Variants in SLMAP observed in about 807,000 individuals in gnomAD.
The protein encoded by SLMAP is sarcolemma associated protein.
SLMAP carries 44 observed loss-of-function variants against 128.8 expected under a neutral mutation model. The ratio of observed to expected loss-of-function variants is 0.34; its 90% CI spans 0.27 to 0.44. SLMAP has a LOEUF of 0.44. SLMAP is among the 20% of genes least tolerant of loss of function. The pLI, the probability that SLMAP is intolerant of heterozygous loss-of-function variation, is 1.00. For missense variants in SLMAP, 787 were observed against 985.3 expected, an observed-to-expected ratio of 0.80 and a Z score of 2.69; for synonymous variants, 327 against 348.8, an observed-to-expected ratio of 0.94 and a Z score of 0.70.
chr3:57,925,194 A>G (rs182014568), intron 23 of SLMAP, among the ~76,000 whole-genome samples: 3 of 151,926 alleles, frequency 2.0e-5, no homozygotes, highest in East Asian at 1.9e-4. Context: ...GCCTTAAGCA[A>G]TCTGCCCACC....
At chr3:57,833,790 T>TA (rs532172231) in intron 3 of SLMAP, among the ~76,000 whole-genome samples, 6,905 of 145,452 alleles carry the variant, frequency 0.047, 251 homozygotes, top group African/African-American at 0.092. Context: ...AGATTAGATT[T>TA]AAAAAAAAAA....
chr3:57,831,370 T>C lies in SLMAP; in HGVS notation c.199-13T>C. The C allele has an allele frequency of 7.0e-6, 10 of 1,430,084 alleles. No homozygotes were observed. Among genetic ancestry groups the C allele is most frequent in the Non-Finnish European group, 9.3e-6 (10 of 1,072,656 alleles). The allele number at this position is 1,430,084 out of a possible 1,614,324, so 88.6% of individuals were successfully genotyped here. On this transcript the variant is annotated splice_polypyrimidine_tract_variant and intron_variant, in intron 2 of 24. Transcript: ENST00000671191. The stretch of plus-strand genomic sequence containing the variant: ...AATATTTGGCCCTTTTTTGTTTTTG[T>C]TTTTTTTTGCAGTTTTATCTTCAAG...
chr3:57,780,552 TG>T (rs748949337), intron 2 of SLMAP, among the ~76,000 whole-genome samples: 30 of 152,212 alleles, frequency 2.0e-4, no homozygotes, highest in Non-Finnish European at 3.4e-4. Context: ...TATCTTGATC[TG>T]GGTGGTAGTT....
At chr3:57,776,460 C>G (rs1320899285) in intron 2 of SLMAP, among the ~76,000 whole-genome samples, 1 of 146,694 alleles carries the variant, frequency 6.8e-6, no homozygotes, top group Non-Finnish European at 1.5e-5. Context: ...TTAATGCTTT[C>G]TTTGTGAAAT....
At chr3:57,806,694 C>T (rs1273298455) in intron 2 of SLMAP, among the ~76,000 whole-genome samples, 1 of 152,164 alleles carries the variant, frequency 6.6e-6, no homozygotes, top group South Asian at 2.1e-4. Flanking sequence ...CCTACCTCGG[C>T]CTCCCAAAGT....
Position 57,857,753 on chromosome 3 carries a change from A to C in SLMAP, c.540A>C (p.Gln180His). The stretch of plus-strand genomic sequence containing the variant: ...ACTAGGAGGCCTTACATCGGGAACA[A>C]ATGTTGGAACAGAAGTTAGCCACGC... ...QYLQEALHRE[Q>H]MLEQKLATLQ... Residue 180 changes from glutamine to histidine, a missense_variant, in exon 7 of 25, where the codon CAA becomes CAC. Around this residue, in one of 2 missense-constraint regions of SLMAP, gnomAD observed 715 missense variants for 843.6 expected, o/e 0.85. Transcript: ENST00000671191. 6.2e-7 allele frequency: 1 copy of C among 1,613,528 alleles called. No homozygotes were observed. Among genetic ancestry groups the C allele is most frequent in the African/African-American group, 1.3e-5 (1 of 75,038 alleles).
At chr3:57,851,116 G>T (rs1049170622) in intron 6 of SLMAP, among the ~76,000 whole-genome samples, 9 of 152,162 alleles carry the variant, frequency 5.9e-5, no homozygotes, top group Non-Finnish European at 2.9e-5. Flanking sequence ...TACAGATAGA[G>T]TAACTGAGAG....
At position 57,843,775 on chromosome 3, in the gene SLMAP, CTTTTT is replaced by C. The variant is rs775541858; in HGVS notation, c.419+2422_419+2426del. Among the ~76,000 whole-genome samples, 54 of 77,140 alleles carry C rather than the reference CTTTTT, an allele frequency of 7.0e-4. No homozygotes were observed. In the Middle Eastern group the frequency reaches 0.03, roughly 43 times the overall value. 50.6% of individuals were successfully genotyped at this position (77,140 alleles called of 152,430 possible). A position where few individuals can be genotyped will look rare whatever the true frequency, so the allele number is the denominator to read the frequency against. On this transcript the variant is annotated intron_variant, in intron 4 of 24. Transcript: ENST00000671191. ...TTCTCTCTCTTTCTTTCTTTTCTTT[CTTTTT>C]TTTTTTTTTTTTTTTTTGAGACAGA...
rs746778162 is a variant in SLMAP, at chr3:57,912,495, A to G, written c.1814A>G (p.His605Arg). 12 of 1,614,068 alleles carry G rather than the reference A, an allele frequency of 7.4e-6. No individual in the cohort carries two copies. The African/African-American group carries it at 9.3e-5, about 13-fold the overall frequency. ...LSARDEILLL[H>R]QAAAKVASER... is the part of the protein sequence containing the mutation. ...GCCCGAGATGAAATTTTGCTCCTTC[A>G]TCAAGCAGCAGCAAAGGTTGCCTCT... Residue 605 changes from histidine (H) to arginine (R), a missense_variant, in exon 20 of 25, where the codon CAT becomes CGT. Physicochemically the swap from His to Arg is conservative, Grantham distance 29. Transcript: ENST00000671191.
intron 22 of SLMAP, chr3:57,917,835 A>G (rs1029973486): frequency 1.3e-5 from 2 of 152,216 alleles, no homozygotes; most frequent in African/African-American, 4.8e-5. Context: ...GCCTGATACA[A>G]CTTGATCTAC....
At chr3:57,801,036 C>T (rs2088191095) in intron 2 of SLMAP, 1 of 224,170 alleles carries the variant, frequency 4.5e-6, no homozygotes, top group Non-Finnish European at 9.0e-6. Context: ...ATTTCTGGGA[C>T]AGAAAGTTCA....
intron 7 of SLMAP, 32 bp downstream of exon 7, chr3:57,857,860 T>G: frequency 7.1e-7 from 1 of 1,401,902 alleles, no homozygotes. Flanking sequence ...TAAGAAACAT[T>G]TAAACATAGT....
At chr3:57,764,923 A>G (rs2079376014) in intron 2 of SLMAP, among the ~76,000 whole-genome samples, 2 of 152,268 alleles carry the variant, frequency 1.3e-5, no homozygotes, top group African/African-American at 4.8e-5. Flanking sequence ...AGATAAGAGT[A>G]TTAAATTAAC....
At chr3:57,911,698 A>G (rs1024724927) in intron 19 of SLMAP, among the ~76,000 whole-genome samples, 6 of 152,192 alleles carry the variant, frequency 3.9e-5, no homozygotes, top group Admixed American at 3.9e-4. Flanking sequence ...AAGATAAACA[A>G]TAAGCAAATT....
intron 6 of SLMAP, among the ~76,000 whole-genome samples, chr3:57,857,451 A>G (rs1446573493): frequency 6.6e-6 from 1 of 152,226 alleles, no homozygotes; most frequent in Non-Finnish European, 1.5e-5. Flanking sequence ...GAACAATTAC[A>G]ACAGTATACT....
rs1236749633 is a variant in SLMAP, at chr3:57,880,264, C to T, written c.1300+8566C>T. On this transcript the variant is annotated intron_variant, in intron 14 of 24. Transcript: ENST00000671191. ...TTGCCCAGGCTGGAGTGCAATGGCACGATCTTGGCTCACTGCAACCTCCGC... is the reference window on the plus strand; with the variant it reads ...TTGCCCAGGCTGGAGTGCAATGGCATGATCTTGGCTCACTGCAACCTCCGC... Among the ~76,000 whole-genome samples the T allele has an allele frequency of 2.6e-5, 4 of 151,762 alleles. 1 individual carries two copies. Among genetic ancestry groups the T allele is most frequent in the South Asian group, 2.1e-4 (1 of 4,826 alleles).
chr3:57,861,367 A>G (rs1476633511), intron 9 of SLMAP, among the ~76,000 whole-genome samples: 1 of 152,206 alleles, frequency 6.6e-6, no homozygotes. Context: ...AATTCATAAT[A>G]TAGATCTTTT....
At chr3:57,842,226 T>G (rs1273936137) in intron 4 of SLMAP, among the ~76,000 whole-genome samples, 13 of 152,178 alleles carry the variant, frequency 8.5e-5, no homozygotes, top group Admixed American at 8.5e-4. Context: ...TGTCCGTGCT[T>G]TCAGTAGAAT....
chr3:57,832,308 A>T (rs1247225829), intron 3 of SLMAP, among the ~76,000 whole-genome samples: 1 of 152,264 alleles, frequency 6.6e-6, no homozygotes, highest in African/African-American at 2.4e-5. Flanking sequence ...GAGCTCTCTT[A>T]GCAAGAAAGA....
Sources: allele counts gnomAD v4.1 joint callset (sites outside exome capture counted in the v4.1 genomes callset), GRCh38; gene constraint gnomAD v4.1.1; regional missense constraint gnomAD v4.1.1; transcripts MANE v1.5; gene names NCBI Gene and HGNC (gene_info 2026-07-23, HGNC 2026-07-21).